The following SYCP2L variants were observed in gnomAD, a reference collection of about 807,000 sequenced individuals.
The protein encoded by SYCP2L is synaptonemal complex protein 2-like.
SYCP2L carries 98 observed loss-of-function variants against 125.8 expected under a neutral mutation model. The ratio of observed to expected loss-of-function variants is 0.78; its 90% CI spans 0.66 to 0.92. The LOEUF (loss-of-function observed/expected upper bound fraction) is 0.92. Ranked by LOEUF, SYCP2L falls within the 40% of genes least tolerant of loss-of-function variation. The pLI is 0.00. For missense variants in SYCP2L, 842 were observed against 936.4 expected, an observed-to-expected ratio of 0.90 and a Z score of 1.32; for synonymous variants, 317 against 325.4, an observed-to-expected ratio of 0.97 and a Z score of 0.28.
At chr6:10,901,997 C>T (rs936903581) in intron 6 of SYCP2L, among the ~76,000 whole-genome samples, 3 of 152,230 alleles carry the variant, frequency 2.0e-5, no homozygotes, top group African/African-American at 7.2e-5. Flanking sequence ...TCACTTTCCT[C>T]AACCAGCAAA....
At chr6:10,896,206 G>T (rs1353458705) in intron 4 of SYCP2L, among the ~76,000 whole-genome samples, 1 of 152,142 alleles carries the variant, frequency 6.6e-6, no homozygotes, top group African/African-American at 2.4e-5. Flanking sequence ...AAATCCAGGA[G>T]GATTAAGCAA....
chr6:10,902,933 T>A lies in SYCP2L; in HGVS notation c.611T>A (p.Phe204Tyr). 1.9e-6 allele frequency: 3 copies of A among 1,614,208 alleles called. No homozygotes were observed. The highest frequency in any genetic ancestry group is 2.5e-6 in the Non-Finnish European group (3 of 1,180,028). ...GTCCCTCGAGAAGAGAGAAAAAAAT[T>A]CCCTTTGTCAGAAGGCATGTGTCAT... ...HAVPREERKK[F>Y]PLSEGMCHLM... The change falls in exon 8 of 30, where the codon TTC (phenylalanine) becomes TAC (tyrosine). Residue 204 changes from phenylalanine (F) to tyrosine (Y), a missense_variant. By Grantham distance (22) the Phe-to-Tyr change is conservative. Coordinates refer to ENST00000283141, the MANE Select transcript of SYCP2L (RefSeq NM_001040274.3).
chr6:10,943,871 A>C (rs764835003), intron 23 of SYCP2L, among the ~76,000 whole-genome samples: 2 of 152,170 alleles, frequency 1.3e-5, no homozygotes, highest in Non-Finnish European at 2.9e-5. Context: ...CATTCATGCT[A>C]ATGTGTGTAA....
rs41267943 is a variant in SYCP2L at position 10,924,415 on chromosome 6, G to A, written c.1073-81G>A. The A allele has an allele frequency of 8.5e-3, 9,866 of 1,158,280 alleles. 200 individuals are homozygous for A. Among genetic ancestry groups the A allele is most frequent in the African/African-American group, 0.069 (4,356 of 62,786 alleles). 71.8% of individuals were successfully genotyped at this position (1,158,280 alleles called of 1,614,324 possible). On this transcript the variant is annotated intron_variant, in intron 14 of 29. Coordinates refer to ENST00000283141, the MANE Select transcript of SYCP2L (RefSeq NM_001040274.3). Reference sequence around the variant, plus strand: ...GAAAAATCTGGACAAATACCCTAGCGTAGTTATTTAAAATGATAAAATTTT... The same window carrying A: ...GAAAAATCTGGACAAATACCCTAGCATAGTTATTTAAAATGATAAAATTTT...
chr6:10,918,487 C>T (rs959522241), intron 14 of SYCP2L, among the ~76,000 whole-genome samples: 1 of 151,740 alleles, frequency 6.6e-6, no homozygotes, highest in Non-Finnish European at 1.5e-5. Flanking sequence ...TTTTCTTTGT[C>T]TTTGTTGTAT....
At chr6:10,952,230 A>G (rs1392145792) in intron 23 of SYCP2L, among the ~76,000 whole-genome samples, 1 of 152,222 alleles carries the variant, frequency 6.6e-6, no homozygotes, top group East Asian at 1.9e-4. Context: ...GCCTCTCCTG[A>G]TGAAGTGCTG....
At chr6:10,911,551 A>G (rs1310265215) in intron 12 of SYCP2L, among the ~76,000 whole-genome samples, 1 of 152,146 alleles carries the variant, frequency 6.6e-6, no homozygotes, top group Non-Finnish European at 1.5e-5. Context: ...TCATGGCTAC[A>G]CTACACATTC....
chr6:10,972,220 G>A (rs1001933532), intron 29 of SYCP2L, among the ~76,000 whole-genome samples: 2 of 151,722 alleles, frequency 1.3e-5, no homozygotes, highest in African/African-American at 4.8e-5. Context: ...CATTATTGAG[G>A]AAAAAAATAC....
chr6:10,901,307 A>C (rs1288788143), intron 6 of SYCP2L, among the ~76,000 whole-genome samples: 1 of 152,238 alleles, frequency 6.6e-6, no homozygotes, highest in African/African-American at 2.4e-5. Context: ...GGACATGGTC[A>C]GAGCTTTTCA....
At chr6:10,933,601 GA>G (rs1446206422) in intron 20 of SYCP2L, among the ~76,000 whole-genome samples, 3 of 152,218 alleles carry the variant, frequency 2.0e-5, no homozygotes, top group Non-Finnish European at 4.4e-5. Context: ...GTTATCTACT[GA>G]AATATGACTT....
intron 29 of SYCP2L, among the ~76,000 whole-genome samples, chr6:10,968,865 T>C (rs995032218): frequency 1.3e-5 from 2 of 152,196 alleles, no homozygotes; most frequent in Non-Finnish European, 2.9e-5. Flanking sequence ...TAGTTATCTC[T>C]GAGAGCCCTG....
At chr6:10,960,040 T>A (rs773371590) in intron 26 of SYCP2L, among the ~76,000 whole-genome samples, 12 of 152,070 alleles carry the variant, frequency 7.9e-5, no homozygotes, top group Non-Finnish European at 1.5e-4. Context: ...GTTTCTGTAG[T>A]GATTTGAGTT....
intron 14 of SYCP2L, among the ~76,000 whole-genome samples, chr6:10,921,448 A>G (rs948164802): frequency 2.0e-5 from 3 of 152,160 alleles, no homozygotes; most frequent in Non-Finnish European, 4.4e-5. Context: ...TCTTTGAGGA[A>G]TCACCACACT....
At chr6:10,909,054 A>C (rs1468509234) in intron 10 of SYCP2L, among the ~76,000 whole-genome samples, 1 of 151,886 alleles carries the variant, frequency 6.6e-6, no homozygotes, top group Non-Finnish European at 1.5e-5. Context: ...GAAAATAGAG[A>C]AATGTAATTA....
intron 1 of SYCP2L, 77 bp from the exon 2 acceptor site, chr6:10,891,436 T>TTG: frequency 2.5e-6 from 2 of 814,356 alleles, no homozygotes; most frequent in Admixed American, 3.2e-5. Flanking sequence ...TTTTTTTTTT[T>TTG]TTGCTTTGTG....
At chr6:10,969,501 C>T (rs1202654407) in intron 29 of SYCP2L, among the ~76,000 whole-genome samples, 3 of 151,592 alleles carry the variant, frequency 2.0e-5, no homozygotes, top group African/African-American at 7.3e-5. Context: ...GCTGGGACTA[C>T]AGGCGCCCGC....
Position 10,942,518 on chromosome 6 carries a change from GA to G in SYCP2L, c.1878del (p.Lys626AsnfsTer5), listed in dbSNP as rs1781242289. On this transcript the variant is annotated frameshift_variant, in exon 22 of 30. Coordinates refer to ENST00000283141, the MANE Select transcript of SYCP2L (RefSeq NM_001040274.3). LOFTEE classifies it high-confidence loss of function. Reference sequence around the variant, plus strand: ...TTCCTTGAAGCACTCAGAAGATGAAGAAAAACCTAAGGTACTATTTAATTGT... The same window carrying G: ...TTCCTTGAAGCACTCAGAAGATGAAGAAAACCTAAGGTACTATTTAATTGT... ...LSSLKHSEDE[E>X]KPKIVNQESL... 1 of 1,603,266 alleles carries G rather than the reference GA, an allele frequency of 6.2e-7. No individual in the cohort carries two copies. Among genetic ancestry groups the G allele is most frequent in the Non-Finnish European group, 8.5e-7 (1 of 1,176,254 alleles).
chr6:10,934,551 G>A (rs1055793943), intron 20 of SYCP2L, among the ~76,000 whole-genome samples: 3 of 152,196 alleles, frequency 2.0e-5, no homozygotes, highest in African/African-American at 7.2e-5. Flanking sequence ...GTGGTGGCGC[G>A]TGCCTATGAT....
intron 1 of SYCP2L, among the ~76,000 whole-genome samples, chr6:10,889,329 T>C (rs1259668536): frequency 2.0e-5 from 3 of 152,226 alleles, no homozygotes; most frequent in Admixed American, 6.5e-5. Flanking sequence ...GGGTGTAGTG[T>C]GATATTTCCA....
Sources: gnomAD v4.1 joint callset for allele counts (sites outside exome capture counted in the v4.1 genomes callset) on GRCh38, gnomAD v4.1.1 for gene constraint, MANE v1.5 for transcripts, NCBI Gene and HGNC (gene_info 2026-07-23, HGNC 2026-07-21) for gene names.